Variants in SKAP1 observed in about 807,000 individuals in gnomAD.
The protein encoded by SKAP1 is src kinase associated phosphoprotein 1.
Under a neutral mutation model 58.5 loss-of-function variants are expected in SKAP1, and 44 were observed. That is an observed-to-expected ratio of 0.75 (90% CI 0.59 to 0.97). SKAP1 has a LOEUF of 0.97. Ranked by LOEUF, SKAP1 falls within the 50% of genes least tolerant of loss-of-function variation. The pLI is 0.00. For synonymous variants in SKAP1, 127 were observed against 149.7 expected, an observed-to-expected ratio of 0.85 and a Z score of 1.11; for missense variants, 390 against 435.2, an observed-to-expected ratio of 0.90 and a Z score of 0.92.
intron 4 of SKAP1, among the ~76,000 whole-genome samples, chr17:48,252,871 G>GA (rs1423995203): frequency 6.6e-6 from 1 of 152,114 alleles, no homozygotes; most frequent in Non-Finnish European, 1.5e-5. Context: ...AGCTTCCCTG[G>GA]AGGTCTCTGC....
intron 4 of SKAP1, among the ~76,000 whole-genome samples, chr17:48,252,469 T>C (rs570819594): frequency 6.6e-6 from 1 of 152,336 alleles, no homozygotes; most frequent in Admixed American, 6.5e-5. Flanking sequence ...CATGAACTTG[T>C]TACTTTGCCT....
At chr17:48,213,710 T>G (rs2064903748) in intron 4 of SKAP1, among the ~76,000 whole-genome samples, 1 of 152,210 alleles carries the variant, frequency 6.6e-6, no homozygotes, top group Non-Finnish European at 1.5e-5. Context: ...TCACTATGTG[T>G]TGAGGAAAAT....
At chr17:48,347,667 T>G (rs2066740299) in intron 3 of SKAP1, among the ~76,000 whole-genome samples, 1 of 152,224 alleles carries the variant, frequency 6.6e-6, no homozygotes, top group East Asian at 1.9e-4. Flanking sequence ...ATACTCTCTT[T>G]TATTAGTTTA....
At chr17:48,154,117 T>C (rs1210738030) in intron 11 of SKAP1, among the ~76,000 whole-genome samples, 1 of 152,222 alleles carries the variant, frequency 6.6e-6, no homozygotes, top group South Asian at 2.1e-4. Context: ...ATTGAGGAAG[T>C]AGGTGGAGAA....
chr17:48,215,634 C>A (rs900297806), intron 4 of SKAP1, among the ~76,000 whole-genome samples: 5 of 152,054 alleles, frequency 3.3e-5, no homozygotes, highest in Admixed American at 2.0e-4. Flanking sequence ...CCTCCCCATT[C>A]TTTTTGCTAA....
chr17:48,162,010 G>A (rs1598383235), intron 11 of SKAP1, among the ~76,000 whole-genome samples: 2 of 151,832 alleles, frequency 1.3e-5, no homozygotes, highest in African/African-American at 4.8e-5. Flanking sequence ...TCCATCGCCA[G>A]GCTGGAGTGC....
chr17:48,366,397 A>G (rs1374338457), intron 2 of SKAP1, among the ~76,000 whole-genome samples: 1 of 149,898 alleles, frequency 6.7e-6, no homozygotes, highest in Admixed American at 6.7e-5. Flanking sequence ...CTTGGGTTAG[A>G]GGGTGAGGAA....
At chr17:48,256,768 G>A (rs2065427971) in intron 4 of SKAP1, among the ~76,000 whole-genome samples, 1 of 152,074 alleles carries the variant, frequency 6.6e-6, no homozygotes. Flanking sequence ...GCAATTGAAG[G>A]TAAGGAAGGA....
intron 4 of SKAP1, among the ~76,000 whole-genome samples, chr17:48,229,361 C>T (rs998955505): frequency 2.0e-5 from 3 of 152,148 alleles, no homozygotes; most frequent in Non-Finnish European, 4.4e-5. Context: ...TGGCTCACAC[C>T]TGTAATCCCA....
At chr17:48,346,743 A>G (rs2066728833) in intron 3 of SKAP1, among the ~76,000 whole-genome samples, 2 of 152,204 alleles carry the variant, frequency 1.3e-5, no homozygotes, top group African/African-American at 4.8e-5. Context: ...AACCTTCTAT[A>G]CATAATATAA....
At chr17:48,297,907 G>C (rs1478173391) in intron 4 of SKAP1, among the ~76,000 whole-genome samples, 3 of 152,158 alleles carry the variant, frequency 2.0e-5, no homozygotes, top group African/African-American at 7.2e-5. Flanking sequence ...TAAAATGCCT[G>C]AATAATATAA....
At chr17:48,203,305 G>A (rs1185082483) in intron 4 of SKAP1, among the ~76,000 whole-genome samples, 1 of 152,154 alleles carries the variant, frequency 6.6e-6, no homozygotes, top group Non-Finnish European at 1.5e-5. Flanking sequence ...TTGTTAGGTG[G>A]ACTAGCTCAT....
intron 4 of SKAP1, among the ~76,000 whole-genome samples, chr17:48,339,710 C>T (rs1252889931): frequency 6.6e-6 from 1 of 152,126 alleles, no homozygotes; most frequent in Non-Finnish European, 1.5e-5. Context: ...TCAGTGAGGT[C>T]ATTTACCTCT....
At chr17:48,371,265 C>G (rs1048428045) in intron 2 of SKAP1, among the ~76,000 whole-genome samples, 12 of 152,078 alleles carry the variant, frequency 7.9e-5, no homozygotes, top group African/African-American at 2.4e-4. Flanking sequence ...ACATGTACCC[C>G]CTGTGTCCAA....
In SKAP1 at chr17:48,189,487, G is replaced by A. The variant is rs66753385; in HGVS notation, c.294C>T (p.Ile98=). 58,157 of 1,611,700 alleles carry A rather than the reference G, an allele frequency of 0.036. 1,197 individuals carry two copies. Among genetic ancestry groups the A allele is most frequent in the East Asian group, 0.075 (3,362 of 44,846 alleles). ...SDYQDEGMED[I]VKGAQELDNV... The stretch of plus-strand genomic sequence containing the variant: ...TATCAAGTTCTTGAGCTCCTTTTAC[G>A]ATGTCTTCCATTCCTAAAAGGACCA... The change falls in exon 5 of 13, where the codon ATC becomes ATT. Residue 98 remains isoleucine, a synonymous_variant. Transcript: ENST00000336915.
chr17:48,374,088 G>A (rs1488921020), intron 2 of SKAP1, among the ~76,000 whole-genome samples: 8 of 152,118 alleles, frequency 5.3e-5, no homozygotes, highest in South Asian at 2.1e-4. Context: ...ATGCTGGAGC[G>A]TAGTGACACA....
At chr17:48,432,351 C>T (rs1424707150), upstream of SKAP1, among the ~76,000 whole-genome samples, 1 of 152,014 alleles carries the variant, frequency 6.6e-6, no homozygotes, top group African/African-American at 2.4e-5. Context: ...ATCACATGAA[C>T]CCGGGGGGCG....
chr17:48,261,730 C>G (rs2065486799), intron 4 of SKAP1, among the ~76,000 whole-genome samples: 1 of 152,138 alleles, frequency 6.6e-6, no homozygotes, highest in Admixed American at 6.5e-5. Context: ...CTTAGGTTTC[C>G]CACATCAAAA....
intron 4 of SKAP1, among the ~76,000 whole-genome samples, chr17:48,280,370 T>C (rs2065751200): frequency 6.6e-6 from 1 of 151,940 alleles, no homozygotes; most frequent in African/African-American, 2.4e-5. Context: ...CTTGGGAGGC[T>C]GAGGCAGGAG....
Sources: gnomAD v4.1 joint callset for allele counts (sites outside exome capture counted in the v4.1 genomes callset) on GRCh38, gnomAD v4.1.1 for gene constraint, MANE v1.5 for transcripts, NCBI Gene and HGNC (gene_info 2026-07-23, HGNC 2026-07-21) for gene names.